Variants in CHN2 observed in about 807,000 individuals in gnomAD.
CHN2 encodes beta-chimaerin.
CHN2 carries 35 observed loss-of-function variants against 56.3 expected under a neutral mutation model. The observed-to-expected ratio is 0.62, with a 90% CI of 0.47 to 0.82. CHN2 has a LOEUF of 0.82. Among genes scored for constraint, CHN2 ranks in the 40% least tolerant of loss-of-function variants. The pLI is 0.00. For synonymous variants in CHN2, 210 were observed against 212.8 expected (o/e 0.99, Z 0.12); for missense variants, 491 against 580.5 (o/e 0.85, Z 1.58).
chr7:29,260,404 T>A (rs1789438781), intron 1 of CHN2, among the ~76,000 whole-genome samples: 1 of 152,190 alleles, frequency 6.6e-6, no homozygotes, highest in African/African-American at 2.4e-5. Context: ...CATCTCTCAT[T>A]GGCAGTATTT....
intron 1 of CHN2, among the ~76,000 whole-genome samples, chr7:29,262,541 GT>G (rs1789642852): frequency 6.6e-6 from 1 of 152,222 alleles, no homozygotes; most frequent in African/African-American, 2.4e-5. Flanking sequence ...AAATATAATT[GT>G]TTTCTTTGTG....
intron 1 of CHN2, among the ~76,000 whole-genome samples, chr7:29,337,470 C>A (rs1349111305): frequency 1.3e-5 from 2 of 152,196 alleles, no homozygotes; most frequent in Non-Finnish European, 2.9e-5. Flanking sequence ...ACACTCATAA[C>A]AGCAGAGTGC....
chr7:29,464,805 C>T (rs1785429290), intron 6 of CHN2, among the ~76,000 whole-genome samples: 1 of 152,308 alleles, frequency 6.6e-6, no homozygotes, highest in East Asian at 1.9e-4. Flanking sequence ...GCTTCCAGCA[C>T]CCAGTTACAT....
rs756555035 is a variant in CHN2, at chr7:29,398,530, C to T, written c.290+44C>T. On this transcript the variant is annotated intron_variant, in intron 5 of 12. Transcript: ENST00000222792. ...CTTGTTTTCATTGCTGTACAAGTGGCTTCACTGATGTTTGCCCATTTTTAA... is the reference window on the plus strand; with the variant it reads ...CTTGTTTTCATTGCTGTACAAGTGGTTTCACTGATGTTTGCCCATTTTTAA... 20 of 1,232,176 alleles carry T rather than the reference C, an allele frequency of 1.6e-5. 1 individual carries two copies. In the South Asian group the frequency reaches 2.4e-4, roughly 15 times the overall value. 76.3% of individuals were successfully genotyped at this position (1,232,176 alleles called of 1,614,324 possible).
chr7:29,175,369 T>A (rs1797169945), intron 2 of CHN2, among the ~76,000 whole-genome samples: 1 of 151,570 alleles, frequency 6.6e-6, no homozygotes, highest in Admixed American at 6.6e-5. Flanking sequence ...AGAGAGGGGG[T>A]TTCACCATAT....
At chr7:29,155,649 A>G (rs144246792) in intron 2 of CHN2, among the ~76,000 whole-genome samples, 1 of 152,296 alleles carries the variant, frequency 6.6e-6, no homozygotes, top group Non-Finnish European at 1.5e-5. Flanking sequence ...AGCTTGGAAT[A>G]CAAGCTTTGG....
intron 6 of CHN2, among the ~76,000 whole-genome samples, chr7:29,447,061 C>A (rs958295283): frequency 1.3e-5 from 2 of 152,156 alleles, no homozygotes; most frequent in Non-Finnish European, 2.9e-5. Flanking sequence ...ACATACCCAG[C>A]GCCTGGCAAG....
chr7:29,266,517 G>A (rs1427852645), intron 1 of CHN2, among the ~76,000 whole-genome samples: 1 of 152,200 alleles, frequency 6.6e-6, no homozygotes, highest in African/African-American at 2.4e-5. Context: ...GGAAATTCAG[G>A]TGGGATCTAG....
At chr7:29,442,421 A>G (rs1051195000) in intron 6 of CHN2, among the ~76,000 whole-genome samples, 3 of 152,170 alleles carry the variant, frequency 2.0e-5, no homozygotes, top group Non-Finnish European at 4.4e-5. Context: ...CCTGATCTGC[A>G]TGGACACCAG....
chr7:29,249,414 C>A (rs1185238534), intron 1 of CHN2, among the ~76,000 whole-genome samples: 3 of 152,280 alleles, frequency 2.0e-5, no homozygotes, highest in African/African-American at 7.2e-5. Context: ...CTTTCCAGAC[C>A]CCCAGCTGGT....
intron 12 of CHN2, 57 bp from the exon 13 acceptor site, chr7:29,512,507 C>T (rs1206034700): frequency 2.7e-6 from 4 of 1,468,044 alleles, no homozygotes; most frequent in Non-Finnish European, 3.7e-6. Context: ...ATAATCAATA[C>T]ATAAAATCAA....
Position 29,400,758 on chromosome 7 carries a change from G to C in CHN2, c.506G>C (p.Arg169Thr). 1 of 1,612,978 alleles carries C rather than the reference G, an allele frequency of 6.2e-7. No individual in the cohort carries two copies. The highest frequency in any genetic ancestry group is 8.5e-7 in the Non-Finnish European group (1 of 1,179,702). ...ATLLREKVSR[R>T]LSRSKNEPRK... ...CTACTCAGAGAAAAAGTATCCAGAA[G>C]GCTGAGCAGGTCTAAAAATGAACCA... Residue 169 changes from arginine to threonine, a missense_variant, in exon 6 of 13, where the codon AGG (arginine) becomes ACG (threonine). Arg to Thr is a moderately conservative substitution (Grantham distance 71). Transcript: ENST00000222792.
intron 1 of CHN2, among the ~76,000 whole-genome samples, chr7:29,260,757 C>T (rs771838321): frequency 6.6e-6 from 1 of 152,166 alleles, no homozygotes; most frequent in Non-Finnish European, 1.5e-5. Context: ...GATTTTCCAG[C>T]CTGCTAATTC....
intron 6 of CHN2, among the ~76,000 whole-genome samples, chr7:29,437,155 A>G (rs1185018919): frequency 3.3e-5 from 5 of 152,128 alleles, no homozygotes; most frequent in African/African-American, 9.7e-5. Context: ...TTTTATTGCC[A>G]TATTCTTACA....
intron 1 of CHN2, among the ~76,000 whole-genome samples, chr7:29,299,833 T>C (rs957680938): frequency 2.6e-5 from 4 of 152,126 alleles, no homozygotes; most frequent in African/African-American, 9.7e-5. Flanking sequence ...AGTAGACAAC[T>C]GTCCATGAGA....
chr7:29,289,254 C>T (rs886115079), intron 1 of CHN2: 3 of 152,198 alleles, frequency 2.0e-5, no homozygotes, highest in Admixed American at 6.5e-5. Context: ...TCCCTGACAG[C>T]TTGTGTGAGG....
Position 29,398,162 on chromosome 7 carries a change from C to T in CHN2, c.177-211C>T, listed in dbSNP as rs968347915. On this transcript the variant is annotated intron_variant, in intron 4 of 12. Transcript: ENST00000222792. The stretch of plus-strand genomic sequence containing the variant: ...CAGAAAGCCAGGTGGACTGGGCATC[C>T]TTCCTTTTGTTTGCCTGCTTGAATA... 13 of 392,482 alleles carry T rather than the reference C, an allele frequency of 3.3e-5. 1 individual carries two copies. The highest frequency in any genetic ancestry group is 5.0e-5 in the Non-Finnish European group (11 of 221,444). 24.3% of individuals were successfully genotyped at this position (392,482 alleles called of 1,614,324 possible). A position where few individuals can be genotyped will look rare whatever the true frequency, so the allele number is the denominator to read the frequency against.
rs960122222 is a variant in CHN2 at position 29,441,300 on chromosome 7, G to A, written c.577-38979G>A. ...TTGGGCTACCTCACACCATCTACATGAACTAACTCAAAATGGATCAACAAC... is the reference window on the plus strand; with the variant it reads ...TTGGGCTACCTCACACCATCTACATAAACTAACTCAAAATGGATCAACAAC... On this transcript the variant is annotated intron_variant, in intron 6 of 12. Coordinates refer to ENST00000222792, the MANE Select transcript of CHN2 (RefSeq NM_004067.4). 3.3e-5 allele frequency among the ~76,000 whole-genome samples: 5 copies of A among 152,262 alleles called. No individual in the cohort carries two copies. In the East Asian group the frequency reaches 7.7e-4, roughly 23 times the overall value.
chr7:29,147,915 A>G (rs2128684900), intron 2 of CHN2, among the ~76,000 whole-genome samples: 1 of 152,374 alleles, frequency 6.6e-6, no homozygotes, highest in East Asian at 1.9e-4. Context: ...ACTTTGGATG[A>G]TCTGCACTTA....
Sources: allele counts gnomAD v4.1 joint callset (sites outside exome capture counted in the v4.1 genomes callset), GRCh38; gene constraint gnomAD v4.1.1; transcripts MANE v1.5; gene names NCBI Gene and HGNC (gene_info 2026-07-23, HGNC 2026-07-21).